Variants in LINGO2 observed in about 807,000 individuals in gnomAD.
LINGO2 encodes leucine rich repeat and Ig domain containing 2, also known as leucine-rich repeat and immunoglobulin-like domain-containing nogo receptor-interacting protein 2.
LINGO2 carries 14 observed loss-of-function variants against 30.6 expected under a neutral mutation model. The observed-to-expected ratio is 0.46, with a 90% CI of 0.30 to 0.72. The LOEUF (loss-of-function observed/expected upper bound fraction) is 0.72, where lower values mean the gene tolerates loss of function less well. LINGO2 is among the 30% of genes least tolerant of loss of function. LINGO2 has a pLI of 0.07. For missense variants in LINGO2, 729 were observed against 751.7 expected (o/e 0.97, Z 0.35); for synonymous variants, 317 against 288.5 (o/e 1.10, Z -1.00).
chr9:28,207,913 A>G (rs1376220804), intron 4 of LINGO2, among the ~76,000 whole-genome samples: 1 of 151,990 alleles, frequency 6.6e-6, no homozygotes, highest in Non-Finnish European at 1.5e-5. Context: ...GCTCTTCTGT[A>G]TGCCTCACAG....
intron 4 of LINGO2, among the ~76,000 whole-genome samples, chr9:28,217,881 C>T (rs1235899155): frequency 1.3e-5 from 2 of 151,810 alleles, no homozygotes; most frequent in African/African-American, 4.8e-5. Context: ...TAATTGTTTG[C>T]AGAAATAAGG....
chr9:28,942,340 G>A, the LINGO2 span, among the ~76,000 whole-genome samples: 1 of 152,168 alleles, frequency 6.6e-6, no homozygotes, highest in Non-Finnish European at 1.5e-5. Context: ...ATATAGCTGA[G>A]AAGCAAGTGC....
At chr9:28,868,485 T>C in the LINGO2 span, among the ~76,000 whole-genome samples, 3 of 152,094 alleles carry the variant, frequency 2.0e-5, no homozygotes, top group East Asian at 5.8e-4. Flanking sequence ...TTGATGCCTT[T>C]CGAAAGTGGC....
chr9:28,674,842 T>G (rs566762988), upstream of LINGO2, among the ~76,000 whole-genome samples: 1 of 152,122 alleles, frequency 6.6e-6, no homozygotes, highest in Non-Finnish European at 1.5e-5. Context: ...TAACACAGCA[T>G]CACTAAAGGA....
chr9:28,860,636 T>C, the LINGO2 span, among the ~76,000 whole-genome samples: 1 of 150,508 alleles, frequency 6.6e-6, no homozygotes, highest in Non-Finnish European at 1.5e-5. Context: ...TATATAAAGA[T>C]GCATATATAT....
At chr9:28,183,924 T>C (rs1428501171) in intron 4 of LINGO2, among the ~76,000 whole-genome samples, 1 of 152,244 alleles carries the variant, frequency 6.6e-6, no homozygotes, top group Non-Finnish European at 1.5e-5. Flanking sequence ...CTCCTTCTCA[T>C]GCAAATGACA....
chr9:28,336,088 G>C (rs1427857230), intron 3 of LINGO2, among the ~76,000 whole-genome samples: 1 of 151,852 alleles, frequency 6.6e-6, no homozygotes, highest in African/African-American at 2.4e-5. Flanking sequence ...CAACATCTTT[G>C]CCAACATTTG....
At chr9:28,426,555 T>C (rs1331916) in intron 2 of LINGO2, among the ~76,000 whole-genome samples, 70,564 of 151,874 alleles carry the variant, frequency 0.46, 16,665 homozygotes, top group Admixed American at 0.51. Flanking sequence ...TGTTATTTGT[T>C]AGCTTGAAGG....
At chr9:29,187,811 G>A in the LINGO2 span, among the ~76,000 whole-genome samples, 1 of 80,224 alleles carries the variant, frequency 1.2e-5, no homozygotes, top group Admixed American at 1.7e-4. Context: ...TGCTTATTAT[G>A]TCAGTTGGAA....
the LINGO2 span, among the ~76,000 whole-genome samples, chr9:28,776,827 C>T: frequency 6.6e-6 from 1 of 150,980 alleles, no homozygotes; most frequent in Non-Finnish European, 1.5e-5. Flanking sequence ...CACACAGCTG[C>T]CTCTTTTTTT....
intron 4 of LINGO2, among the ~76,000 whole-genome samples, chr9:28,272,540 A>T (rs1822978349): frequency 6.6e-6 from 1 of 152,020 alleles, no homozygotes; most frequent in Admixed American, 6.6e-5. Context: ...GTTTCCCTGA[A>T]ATTACTTTGT....
chr9:29,089,757 A>G, the LINGO2 span, among the ~76,000 whole-genome samples: 2 of 152,036 alleles, frequency 1.3e-5, no homozygotes, highest in African/African-American at 4.8e-5. Context: ...AGGTTTGCTT[A>G]TTGGTTTTTA....
chr9:28,643,831 C>A (rs149509535), intron 1 of LINGO2, among the ~76,000 whole-genome samples: 2 of 151,824 alleles, frequency 1.3e-5, no homozygotes, highest in African/African-American at 4.8e-5. Flanking sequence ...GGTCAAACAA[C>A]TCTATAGAAA....
At chr9:28,934,021 A>T in the LINGO2 span, among the ~76,000 whole-genome samples, 3 of 152,160 alleles carry the variant, frequency 2.0e-5, no homozygotes, top group African/African-American at 7.2e-5. Context: ...TCCTCTGTGG[A>T]GGGACATAAG....
intron 4 of LINGO2, among the ~76,000 whole-genome samples, chr9:28,273,977 T>C (rs763793957): frequency 6.6e-6 from 1 of 152,108 alleles, no homozygotes; most frequent in Non-Finnish European, 1.5e-5. Flanking sequence ...GAAAGCCACA[T>C]ATAATGGCAC....
intron 1 of LINGO2, among the ~76,000 whole-genome samples, chr9:28,507,539 G>T (rs2135346795): frequency 6.6e-6 from 1 of 152,064 alleles, no homozygotes; most frequent in Non-Finnish European, 1.5e-5. Flanking sequence ...CCCTCCTCCA[G>T]TAATGACATT....
At chr9:28,312,155 C>CTTTTTTT (rs72304845) in intron 3 of LINGO2, among the ~76,000 whole-genome samples, 109,574 of 142,734 alleles carry the variant, frequency 0.77, 45,161 homozygotes, top group Non-Finnish European at 0.92. Flanking sequence ...TTTCTTTTTT[C>CTTTTTTT]TTTTTTTTGT....
At chr9:28,505,025 T>C (rs900021034) in intron 1 of LINGO2, among the ~76,000 whole-genome samples, 1 of 151,870 alleles carries the variant, frequency 6.6e-6, no homozygotes, top group East Asian at 1.9e-4. Context: ...AAGAAAATTA[T>C]GTGACTTGGT....
chr9:28,673,078 T>C (rs1487540377), upstream of LINGO2, among the ~76,000 whole-genome samples: 5 of 152,132 alleles, frequency 3.3e-5, no homozygotes, highest in Admixed American at 6.6e-5. Flanking sequence ...AAACTTACAA[T>C]AGCATTGTGT....
Sources: allele counts gnomAD v4.1 joint callset (sites outside exome capture counted in the v4.1 genomes callset), GRCh38; gene constraint gnomAD v4.1.1; transcripts MANE v1.5; gene names NCBI Gene and HGNC (gene_info 2026-07-23, HGNC 2026-07-21).